The following ANKS1B variants were observed in gnomAD, a reference collection of about 807,000 sequenced individuals.
ANKS1B encodes the protein ankyrin repeat and sterile alpha motif domain containing 1B.
A neutral mutation model predicts 148.3 loss-of-function variants in ANKS1B; 36 were observed. The ratio of observed to expected loss-of-function variants is 0.24; its 90% CI spans 0.19 to 0.32. The LOEUF is 0.32. Ranked by LOEUF, ANKS1B falls within the 10% of genes least tolerant of loss-of-function variation. ANKS1B has a pLI of 1.00. For synonymous variants in ANKS1B, 542 were observed against 560.8 expected, an observed-to-expected ratio of 0.97 and a Z score of 0.47; for missense variants, 1,157 against 1,542.6, an observed-to-expected ratio of 0.75 and a Z score of 4.19.
chr12:99,536,107 T>C (rs758234553), intron 9 of ANKS1B, among the ~76,000 whole-genome samples: 1 of 152,216 alleles, frequency 6.6e-6, no homozygotes, highest in Non-Finnish European at 1.5e-5. Context: ...CATGTCTTTA[T>C]TTGACCTGAT....
intron 1 of ANKS1B, among the ~76,000 whole-genome samples, chr12:99,905,322 G>A (rs571968127): frequency 5.3e-5 from 8 of 152,272 alleles, no homozygotes; most frequent in Non-Finnish European, 1.2e-4. Flanking sequence ...GAAGGGAGTG[G>A]AAGTTTGGTC....
chr12:99,493,685 T>C (rs1354517801), intron 10 of ANKS1B, among the ~76,000 whole-genome samples: 1 of 152,134 alleles, frequency 6.6e-6, no homozygotes, highest in Non-Finnish European at 1.5e-5. Context: ...AATTAAATCA[T>C]TTACTGAGAT....
At chr12:99,741,990 G>A (rs2060160111) in intron 8 of ANKS1B, among the ~76,000 whole-genome samples, 1 of 152,064 alleles carries the variant, frequency 6.6e-6, no homozygotes, top group Non-Finnish European at 1.5e-5. Flanking sequence ...CCTTAGCAAA[G>A]TAACACAGGA....
chr12:98,893,181 G>A (rs1226769355), intron 17 of ANKS1B, among the ~76,000 whole-genome samples: 1 of 152,114 alleles, frequency 6.6e-6, no homozygotes. Context: ...TTCTCTATCT[G>A]AGTCCAAGAG....
At chr12:99,982,821 G>A (rs917585886) in intron 1 of ANKS1B, among the ~76,000 whole-genome samples, 1 of 152,132 alleles carries the variant, frequency 6.6e-6, no homozygotes, top group East Asian at 1.9e-4. Context: ...CACTGTCAAC[G>A]AGTATATAGA....
intron 5 of ANKS1B, 100 bp downstream of exon 5, chr12:99,781,922 G>A (rs1404460404): frequency 2.0e-6 from 2 of 988,586 alleles, no homozygotes; most frequent in African/African-American, 1.6e-5. Flanking sequence ...AAAGGCAAGA[G>A]GGTGATTTGT....
chr12:98,834,374 G>A (rs1010856485), intron 17 of ANKS1B, among the ~76,000 whole-genome samples: 10 of 152,224 alleles, frequency 6.6e-5, no homozygotes, highest in East Asian at 5.8e-4. Flanking sequence ...TTTAATACCC[G>A]TTTAAAATGT....
At chr12:99,424,786 T>C (rs1310957023) in intron 11 of ANKS1B, among the ~76,000 whole-genome samples, 1 of 151,910 alleles carries the variant, frequency 6.6e-6, no homozygotes, top group Non-Finnish European at 1.5e-5. Context: ...ATTTGAATCC[T>C]TGTGGATGAA....
At chr12:98,819,780 A>G (rs139251919) in intron 19 of ANKS1B, among the ~76,000 whole-genome samples, 1 of 152,332 alleles carries the variant, frequency 6.6e-6, no homozygotes, top group African/African-American at 2.4e-5. Flanking sequence ...TCAGTTCTGC[A>G]TTCTTCTGAC....
chr12:98,779,728 ATAAAG>A (rs1481503736), intron 24 of ANKS1B, among the ~76,000 whole-genome samples: 4 of 152,228 alleles, frequency 2.6e-5, no homozygotes, highest in African/African-American at 9.7e-5. Flanking sequence ...TAATTTAAGG[ATAAAG>A]TAATTTTATA....
intron 14 of ANKS1B, among the ~76,000 whole-genome samples, chr12:99,173,971 C>T (rs1411763500): frequency 6.6e-6 from 1 of 152,154 alleles, no homozygotes; most frequent in African/African-American, 2.4e-5. Flanking sequence ...AAGTCCCTCC[C>T]ACTTGAATAA....
At chr12:99,248,352 GAGA>G (rs2153971524) in intron 12 of ANKS1B, among the ~76,000 whole-genome samples, 1 of 152,238 alleles carries the variant, frequency 6.6e-6, no homozygotes, top group East Asian at 1.9e-4. Context: ...TTTTTCCAAA[GAGA>G]AGATGTTTGC....
At chr12:98,813,762 C>G (rs2099116814) in intron 19 of ANKS1B, among the ~76,000 whole-genome samples, 1 of 152,020 alleles carries the variant, frequency 6.6e-6, no homozygotes, top group South Asian at 2.1e-4. Flanking sequence ...ACCATGTTGG[C>G]CAGGCTGGTC....
At chr12:99,178,000 C>T (rs2078614670) in intron 14 of ANKS1B, among the ~76,000 whole-genome samples, 1 of 152,212 alleles carries the variant, frequency 6.6e-6, no homozygotes, top group Non-Finnish European at 1.5e-5. Flanking sequence ...CAGATCCATT[C>T]CTTCCATACA....
intron 9 of ANKS1B, among the ~76,000 whole-genome samples, chr12:99,646,526 C>T (rs1036833565): frequency 5.9e-5 from 9 of 151,718 alleles, no homozygotes; most frequent in East Asian, 1.9e-4. Context: ...TGGTGGCACA[C>T]GCCTGTAGTC....
At chr12:99,802,202 CT>C (rs1480786774) in intron 4 of ANKS1B, among the ~76,000 whole-genome samples, 15 of 152,198 alleles carry the variant, frequency 9.9e-5, no homozygotes, top group Non-Finnish European at 1.9e-4. Context: ...TGTAATTTTA[CT>C]TTCATTTCCT....
At chr12:99,079,885 G>A (rs895073832) in intron 16 of ANKS1B, 13 of 152,044 alleles carry the variant, frequency 8.6e-5, no homozygotes, top group African/African-American at 3.1e-4. Context: ...TCTCCTGGGG[G>A]GTGACGTTTT....
At chr12:98,897,192 C>G (rs1433575171) in intron 17 of ANKS1B, among the ~76,000 whole-genome samples, 2 of 152,044 alleles carry the variant, frequency 1.3e-5, no homozygotes, top group Non-Finnish European at 2.9e-5. Flanking sequence ...TTACTGAAGC[C>G]CCATTCAGCA....
At chr12:99,351,980 G>A (rs1252851908) in intron 12 of ANKS1B, 4 of 152,012 alleles carry the variant, frequency 2.6e-5, no homozygotes, top group Admixed American at 2.6e-4. Flanking sequence ...GCATACCTCA[G>A]AATATTCGGA....
Sources: gnomAD v4.1 joint callset for allele counts (sites outside exome capture counted in the v4.1 genomes callset) on GRCh38, gnomAD v4.1.1 for gene constraint, MANE v1.5 for transcripts, NCBI Gene and HGNC (gene_info 2026-07-23, HGNC 2026-07-21) for gene names.